The following PKIA variants were observed in gnomAD, a reference collection of about 807,000 sequenced individuals.
PKIA encodes PKI-alpha.
PKIA carries 4 observed loss-of-function variants against 7.6 expected under a neutral mutation model. The observed-to-expected ratio is 0.52, with a 90% CI of 0.26 to 1.20. PKIA has a LOEUF of 1.20. Ranked by LOEUF, PKIA falls within the 50% of genes most tolerant of loss-of-function variation. The pLI is 0.13. For missense variants in PKIA, 73 were observed against 86.2 expected (o/e 0.85, Z 0.61); for synonymous variants, 21 against 30.7 (o/e 0.68, Z 1.04).
intron 2 of PKIA, among the ~76,000 whole-genome samples, 155 bp downstream of exon 2, chr8:78,573,094 C>A (rs947624687): frequency 6.6e-6 from 1 of 152,002 alleles, no homozygotes; most frequent in Non-Finnish European, 1.5e-5. Context: ...TCAGACAAAA[C>A]CTTGGAGGGA....
In PKIA at chr8:78,604,479, C is replaced by T. The variant is rs533171607; in HGVS notation, c.*2658C>T. On this transcript the variant is annotated 3_prime_UTR_variant, in exon 4 of 4. Transcript: ENST00000396418. The stretch of plus-strand genomic sequence containing the variant: ...TTTTAGAGATGAACTTCTTCAGCCT[C>T]CATATTTTACAGAAGGAAACTGAAT... 6.6e-5 allele frequency: 10 copies of T among 152,028 alleles called. No individual in the cohort carries two copies. The highest frequency in any genetic ancestry group is 2.0e-4 in the Admixed American group (3 of 15,220). 9.4% of individuals were successfully genotyped at this position (152,028 alleles called of 1,614,324 possible).
In PKIA at chr8:78,581,870, G is replaced by A. The variant is rs1026097849; in HGVS notation, c.-28+8931G>A. Among the ~76,000 whole-genome samples the A allele has an allele frequency of 5.9e-5, 9 of 152,166 alleles. No individual in the cohort carries two copies. The East Asian group carries it at 1.5e-3, about 26-fold the overall frequency. ...TCAGTGCTAATTGTCAGATTTTCTT[G>A]TTAATATTTGGATATGTTTGTAGGA... On this transcript the variant is annotated intron_variant, in intron 2 of 3. Transcript: ENST00000396418.
At position 78,602,089 on chromosome 8, in the gene PKIA, G is replaced by A. The variant is rs189722115; in HGVS notation, c.*268G>A. 64 of 454,174 alleles carry A rather than the reference G, an allele frequency of 1.4e-4. No homozygotes were observed. The highest frequency in any genetic ancestry group is 9.8e-4 in the African/African-American group (49 of 49,748). 28.1% of individuals were successfully genotyped at this position (454,174 alleles called of 1,614,324 possible). A position where few individuals can be genotyped will look rare whatever the true frequency, so the allele number is the denominator to read the frequency against. On this transcript the variant is annotated 3_prime_UTR_variant, in exon 4 of 4. Transcript: ENST00000396418. ...GGATCCTTTCACTTGATCATATGAC[G>A]AAATGCTTATAGAGAGTAGCTCCGA...
At chr8:78,520,025 TAA>T (rs960307642) in intron 1 of PKIA, among the ~76,000 whole-genome samples, 1 of 151,956 alleles carries the variant, frequency 6.6e-6, no homozygotes, top group Non-Finnish European at 1.5e-5. Context: ...TCTGCTCTTC[TAA>T]AAAAAACTCT....
intron 1 of PKIA, chr8:78,556,466 T>C (rs1807141012): frequency 6.6e-6 from 1 of 152,112 alleles, no homozygotes. Flanking sequence ...AATGTTCTGT[T>C]CTTTGTTAAG....
At chr8:78,559,307 C>G (rs1807228163) in intron 1 of PKIA, among the ~76,000 whole-genome samples, 1 of 152,054 alleles carries the variant, frequency 6.6e-6, no homozygotes, top group South Asian at 2.1e-4. Context: ...TCAACATGAT[C>G]AGCAATTAAG....
At chr8:78,551,338 G>T (rs900742280) in intron 1 of PKIA, among the ~76,000 whole-genome samples, 1 of 151,948 alleles carries the variant, frequency 6.6e-6, no homozygotes, top group African/African-American at 2.4e-5. Flanking sequence ...ATGGTATATG[G>T]TAGACACCAT....
intron 1 of PKIA, among the ~76,000 whole-genome samples, chr8:78,553,346 CT>C (rs1257558840): frequency 6.6e-6 from 1 of 151,924 alleles, no homozygotes; most frequent in East Asian, 1.9e-4. Flanking sequence ...CTATTTCTGG[CT>C]TTATCAAATC....
At chr8:78,578,637 T>C (rs1434780384) in intron 2 of PKIA, among the ~76,000 whole-genome samples, 1 of 152,028 alleles carries the variant, frequency 6.6e-6, no homozygotes, top group Non-Finnish European at 1.5e-5. Flanking sequence ...ATTTCCAACA[T>C]TGATGCTTTG....
intron 2 of PKIA, among the ~76,000 whole-genome samples, chr8:78,583,618 C>A (rs574582568): frequency 6.6e-6 from 1 of 152,004 alleles, no homozygotes; most frequent in Non-Finnish European, 1.5e-5. Flanking sequence ...CATTTGCAGT[C>A]TTTTACAGTT....
intron 1 of PKIA, among the ~76,000 whole-genome samples, chr8:78,544,421 C>T (rs977686522): frequency 6.6e-6 from 1 of 152,166 alleles, no homozygotes; most frequent in Non-Finnish European, 1.5e-5. Context: ...AGGCTGGTTT[C>T]TGTCCTTCTC....
chr8:78,592,177 G>A (rs532142604), intron 2 of PKIA, among the ~76,000 whole-genome samples: 1 of 151,988 alleles, frequency 6.6e-6, no homozygotes, highest in East Asian at 1.9e-4. Context: ...GCACTTAAGG[G>A]GAATTCACTA....
intron 2 of PKIA, among the ~76,000 whole-genome samples, chr8:78,578,467 A>G (rs906653692): frequency 1.3e-4 from 19 of 151,922 alleles, no homozygotes; most frequent in African/African-American, 4.3e-4. Flanking sequence ...TGTTCTACCT[A>G]AATTCTTGAT....
intron 2 of PKIA, among the ~76,000 whole-genome samples, chr8:78,593,768 TTAAC>T (rs1314713906): frequency 1.3e-5 from 2 of 152,226 alleles, no homozygotes; most frequent in African/African-American, 2.4e-5. Context: ...ACTTAATTCA[TTAAC>T]TATGCGATTA....
chr8:78,596,249 T>C (rs1462552988), intron 2 of PKIA, among the ~76,000 whole-genome samples: 1 of 152,086 alleles, frequency 6.6e-6, no homozygotes, highest in Non-Finnish European at 1.5e-5. Context: ...TATTTATTTA[T>C]TTTTTTAAGA....
intron 1 of PKIA, among the ~76,000 whole-genome samples, chr8:78,522,965 A>G (rs1244308524): frequency 6.6e-6 from 1 of 151,944 alleles, no homozygotes; most frequent in Non-Finnish European, 1.5e-5. Flanking sequence ...CTAAACTACA[A>G]AATATTTGGC....
intron 1 of PKIA, among the ~76,000 whole-genome samples, chr8:78,528,521 A>G (rs1252097050): frequency 2.0e-5 from 3 of 151,952 alleles, no homozygotes; most frequent in Admixed American, 1.3e-4. Context: ...ATCTCTCTTA[A>G]TGTTAAATAC....
At position 78,601,114 on chromosome 8, in the gene PKIA, G is replaced by T. The variant is rs575807502; in HGVS notation, c.152-628G>T. ...CCACTGGCTAAGATTGCTACTGAGGGTGCAGTTATGAGGGTGGTTTTATTG... is the reference window on the plus strand; with the variant it reads ...CCACTGGCTAAGATTGCTACTGAGGTTGCAGTTATGAGGGTGGTTTTATTG... On this transcript the variant is annotated intron_variant, in intron 3 of 3. Coordinates refer to ENST00000396418, the MANE Select transcript of PKIA (RefSeq NM_006823.4). Among the ~76,000 whole-genome samples, 25 of 152,126 alleles carry T rather than the reference G, an allele frequency of 1.6e-4. No individual in the cohort carries two copies. The East Asian group carries it at 4.4e-3, about 27-fold the overall frequency.
Position 78,583,726 on chromosome 8 carries a change from G to A in PKIA, c.-28+10787G>A, listed in dbSNP as rs559593788. Among the ~76,000 whole-genome samples, 22 of 152,120 alleles carry A rather than the reference G, an allele frequency of 1.4e-4. No homozygotes were observed. In the South Asian group the frequency reaches 4.2e-3, roughly 29 times the overall value. On this transcript the variant is annotated intron_variant, in intron 2 of 3. Coordinates refer to ENST00000396418, the MANE Select transcript of PKIA (RefSeq NM_006823.4). ...GGACTGGAGTTGTCATACCTTAGAG[G>A]GAGGTGGGAAAGAGACAATGTTGGC... is the stretch of plus-strand genomic sequence containing the variant.
Sources: gnomAD v4.1 joint callset for allele counts (sites outside exome capture counted in the v4.1 genomes callset) on GRCh38, gnomAD v4.1.1 for gene constraint, MANE v1.5 for transcripts, NCBI Gene and HGNC (gene_info 2026-07-23, HGNC 2026-07-21) for gene names.